The following EPB41L4B variants were observed in gnomAD, a reference collection of about 807,000 sequenced individuals.
The protein encoded by EPB41L4B is erythrocyte membrane protein band 4.1 like 4B.
Under a neutral mutation model 112.5 loss-of-function variants are expected in EPB41L4B, and 30 were observed. That is an observed-to-expected ratio of 0.27 (90% CI 0.20 to 0.36). The LOEUF (loss-of-function observed/expected upper bound fraction) is 0.36. Among genes scored for constraint, EPB41L4B ranks in the 10% least tolerant of loss-of-function variants. The pLI is 1.00. For missense variants in EPB41L4B, 1,024 were observed against 1,133.3 expected (o/e 0.90, Z 1.38); for synonymous variants, 408 against 439.7 (o/e 0.93, Z 0.90).
chr9:109,182,703 C>T (rs1832109796), intron 24 of EPB41L4B, 26 bp downstream of exon 24: 6 of 1,571,584 alleles, frequency 3.8e-6, no homozygotes, highest in Non-Finnish European at 5.3e-6. Context: ...GTTTAAAATG[C>T]ACATCTGTTT....
chr9:109,213,803 G>A lies in EPB41L4B; in HGVS notation c.1649C>T (p.Thr550Ile). The A allele has an allele frequency of 6.2e-7, 1 of 1,614,114 alleles. No individual in the cohort carries two copies. The highest frequency in any genetic ancestry group is 8.5e-7 in the Non-Finnish European group (1 of 1,179,964). The stretch of plus-strand genomic sequence containing the variant: ...AGCGGCTTCACTGAACAAGGCAGGT[G>A]TTCCTGGACTCAGTTCTACAAAGCA... The part of the protein sequence containing the change: ...SKSLTKLSPG[T>I]PALFSEAAAH... Residue 550 changes from threonine (T) to isoleucine (I), a missense_variant, in exon 17 of 26, where the codon ACA becomes ATA. Coordinates refer to ENST00000374566, the MANE Select transcript of EPB41L4B (RefSeq NM_019114.5).
At chr9:109,201,173 G>A (rs1017172057) in intron 19 of EPB41L4B, among the ~76,000 whole-genome samples, 9 of 152,140 alleles carry the variant, frequency 5.9e-5, no homozygotes, top group Non-Finnish European at 1.2e-4. Flanking sequence ...TGTTGAGGCC[G>A]GGTGCAGTGG....
intron 2 of EPB41L4B, among the ~76,000 whole-genome samples, chr9:109,277,277 C>T (rs904985908): frequency 4.2e-5 from 6 of 143,228 alleles, no homozygotes; most frequent in Admixed American, 2.2e-4. Context: ...ATAGGCCTGC[C>T]GCTCCAGGTG....
intron 1 of EPB41L4B, among the ~76,000 whole-genome samples, chr9:109,303,464 G>T (rs963440801): frequency 3.3e-5 from 5 of 152,022 alleles, no homozygotes; most frequent in Non-Finnish European, 5.9e-5. Context: ...TCCCACCTCA[G>T]CCTCCCAAGT....
At position 109,214,889 on chromosome 9, in the gene EPB41L4B, T is replaced by C. The variant is rs115097255; in HGVS notation, c.1634-1071A>G. On this transcript the variant is annotated intron_variant, in intron 16 of 25. Transcript: ENST00000374566. ...TGGTGAGAACTATGACTTTGGCAGC[T>C]ACTATTTGGAGATTGTCCTGGAGCG... Among the ~76,000 whole-genome samples, 1,379 of 152,328 alleles carry C rather than the reference T, an allele frequency of 9.1e-3. 29 individuals are homozygous for C. Among genetic ancestry groups the C allele is most frequent in the African/African-American group, 0.031 (1,276 of 41,580 alleles).
At chr9:109,282,617 C>T (rs1836110798) in intron 1 of EPB41L4B, among the ~76,000 whole-genome samples, 1 of 152,170 alleles carries the variant, frequency 6.6e-6, no homozygotes, top group Admixed American at 6.5e-5. Context: ...ACCCCATCAC[C>T]TAAGATGTAA....
chr9:109,264,879 T>C, intron 5 of EPB41L4B, 101 bp downstream of exon 5: 1 of 1,135,476 alleles, frequency 8.8e-7, no homozygotes, highest in Non-Finnish European at 1.2e-6. Context: ...TTTTTTTGAA[T>C]TTTGAAAAGG....
intron 1 of EPB41L4B, among the ~76,000 whole-genome samples, chr9:109,296,475 T>C (rs964775243): frequency 1.3e-5 from 2 of 152,190 alleles, no homozygotes; most frequent in African/African-American, 4.8e-5. Flanking sequence ...CTAGCAAGGA[T>C]GTTAAAAGGA....
intron 15 of EPB41L4B, among the ~76,000 whole-genome samples, chr9:109,225,634 G>T (rs1312804595): frequency 6.6e-6 from 1 of 152,208 alleles, no homozygotes; most frequent in Admixed American, 6.5e-5. Context: ...TACAATTTGA[G>T]ATGAGATTTG....
chr9:109,212,653 C>T (rs1212590320), intron 17 of EPB41L4B, among the ~76,000 whole-genome samples: 1 of 152,106 alleles, frequency 6.6e-6, no homozygotes, highest in Non-Finnish European at 1.5e-5. Flanking sequence ...CCTATTCCCT[C>T]TCATAAAGGG....
In EPB41L4B at chr9:109,192,326, G is replaced by A; in HGVS notation, c.2253C>T (p.Thr751=). ...KSPSDRGGAF[T]LEPGDLLMDF... is the part of the protein sequence containing the mutation. ...CCATCAGAAGATCACCCGGCTCCAG[G>A]GTAAAGGCACCTCCTCGGTCAGAGG... The change falls in exon 22 of 26, where the codon ACC becomes ACT. Residue 751 remains threonine, a synonymous_variant. Transcript: ENST00000374566. 1 of 1,612,452 alleles carries A rather than the reference G, an allele frequency of 6.2e-7. No homozygotes were observed. The highest frequency in any genetic ancestry group is 8.5e-7 in the Non-Finnish European group (1 of 1,179,268).
In EPB41L4B at chr9:109,266,632, T is replaced by C. The variant is rs183050400; in HGVS notation, c.533+841A>G. On this transcript the variant is annotated intron_variant, in intron 4 of 25. Coordinates refer to ENST00000374566, the MANE Select transcript of EPB41L4B (RefSeq NM_019114.5). ...CTCAAATTTTCTTTTTCTTCTTCCCTGTTTCTGAAGTCCAAGACATAGACA... is the reference window on the plus strand; with the variant it reads ...CTCAAATTTTCTTTTTCTTCTTCCCCGTTTCTGAAGTCCAAGACATAGACA... Among the ~76,000 whole-genome samples the C allele has an allele frequency of 1.4e-4, 21 of 152,268 alleles. No homozygotes were observed. The East Asian group carries it at 3.5e-3, about 25-fold the overall frequency.
At chr9:109,174,813 C>T (rs1831753697) in intron 25 of EPB41L4B, among the ~76,000 whole-genome samples, 190 bp from the exon 26 acceptor site, 1 of 152,064 alleles carries the variant, frequency 6.6e-6, no homozygotes, top group Non-Finnish European at 1.5e-5. Flanking sequence ...GTTTCTCAGT[C>T]CCACCATGCT....
At chr9:109,318,886 C>G (rs1217948736) in intron 1 of EPB41L4B, among the ~76,000 whole-genome samples, 1 of 152,206 alleles carries the variant, frequency 6.6e-6, no homozygotes, top group Non-Finnish European at 1.5e-5. Flanking sequence ...GAAATTCAGC[C>G]TACACCGGGA....
At chr9:109,239,005 C>T (rs891073774) in intron 15 of EPB41L4B, among the ~76,000 whole-genome samples, 6 of 152,168 alleles carry the variant, frequency 3.9e-5, no homozygotes, top group African/African-American at 1.4e-4. Flanking sequence ...ACTTCATCCT[C>T]AGGGTAATGG....
chr9:109,299,681 T>A (rs1383689008), intron 1 of EPB41L4B, among the ~76,000 whole-genome samples: 1 of 152,188 alleles, frequency 6.6e-6, no homozygotes, highest in African/African-American at 2.4e-5. Context: ...CACAAGTGAA[T>A]GTGCCTGGCA....
At chr9:109,232,220 G>A (rs2118912399) in intron 15 of EPB41L4B, among the ~76,000 whole-genome samples, 1 of 151,996 alleles carries the variant, frequency 6.6e-6, no homozygotes, top group East Asian at 1.9e-4. Context: ...TCAAACTCCT[G>A]GCCTCAAATG....
rs867253239 is a variant in EPB41L4B, at chr9:109,189,687, G to A, written c.2301+2591C>T. On this transcript the variant is annotated intron_variant, in intron 22 of 25. Transcript: ENST00000374566. Reference sequence around the variant, plus strand: ...CTTGTTGCCCAGGCTGGAATGCAATGGCGCGATCTCGGCTCACTGCAACCT... The same window carrying A: ...CTTGTTGCCCAGGCTGGAATGCAATAGCGCGATCTCGGCTCACTGCAACCT... Among the ~76,000 whole-genome samples, 7 of 152,242 alleles carry A rather than the reference G, an allele frequency of 4.6e-5. 1 individual carries two copies. The South Asian group carries it at 1.5e-3, about 32-fold the overall frequency.
chr9:109,316,932 T>C (rs1349864294), intron 1 of EPB41L4B, among the ~76,000 whole-genome samples: 1 of 152,038 alleles, frequency 6.6e-6, no homozygotes, highest in Non-Finnish European at 1.5e-5. Context: ...TGAGACCCCA[T>C]GTCTATAAAA....
Sources: gnomAD v4.1 joint callset for allele counts (sites outside exome capture counted in the v4.1 genomes callset) on GRCh38, gnomAD v4.1.1 for gene constraint, MANE v1.5 for transcripts, NCBI Gene and HGNC (gene_info 2026-07-23, HGNC 2026-07-21) for gene names.